DGLUCY: variants seen among roughly 807,000 people sequenced by gnomAD.
The protein encoded by DGLUCY is D-glutamate cyclase.
Under a neutral mutation model 58.5 loss-of-function variants are expected in DGLUCY, and 58 were observed. That is an observed-to-expected ratio of 0.99 (90% CI 0.80 to 1.23). The LOEUF (loss-of-function observed/expected upper bound fraction) is 1.23, where lower values mean the gene tolerates loss of function less well. Among genes scored for constraint, DGLUCY ranks in the 50% most tolerant of loss-of-function variants. The pLI is 0.00. For synonymous variants in DGLUCY, 325 were observed against 314.1 expected (o/e 1.03, Z -0.37); for missense variants, 779 against 784.7 (o/e 0.99, Z 0.09).
intron 1 of DGLUCY, among the ~76,000 whole-genome samples, chr14:91,124,221 C>T (rs1237094806): frequency 6.6e-6 from 1 of 152,172 alleles, no homozygotes; most frequent in Non-Finnish European, 1.5e-5. Flanking sequence ...CCACCACACC[C>T]TGCCAATAGT....
At chr14:91,087,451 T>C (rs2044241364) in intron 1 of DGLUCY, among the ~76,000 whole-genome samples, 1 of 152,216 alleles carries the variant, frequency 6.6e-6, no homozygotes, top group Admixed American at 6.5e-5. Context: ...TTCTTAAGTA[T>C]TTGCTAGCCG....
At chr14:91,217,949 A>G (rs1283879911) in intron 13 of DGLUCY, among the ~76,000 whole-genome samples, 1 of 152,088 alleles carries the variant, frequency 6.6e-6, no homozygotes, top group Non-Finnish European at 1.5e-5. Context: ...CCCATTTTAC[A>G]GACGAGAGAC....
At chr14:91,080,499 T>A (rs752383466) in intron 1 of DGLUCY, among the ~76,000 whole-genome samples, 1 of 152,114 alleles carries the variant, frequency 6.6e-6, no homozygotes, top group Non-Finnish European at 1.5e-5. Flanking sequence ...GCCTCTTGAG[T>A]AGCTGGGATT....
In DGLUCY at chr14:91,114,215, A is replaced by T. The variant is rs1476073725; in HGVS notation, c.-150A>T. On this transcript the variant is annotated 5_prime_UTR_variant, in exon 1 of 14. Transcript: ENST00000256324. Reference sequence around the variant, plus strand: ...TTATGCCCTTTTGAGGGAAGCACACATTCTGCAAGGCCGTGGAAACAAAGG... The same window carrying T: ...TTATGCCCTTTTGAGGGAAGCACACTTTCTGCAAGGCCGTGGAAACAAAGG... 2.0e-5 allele frequency: 3 copies of T among 152,360 alleles called. No homozygotes were observed. The highest frequency in any genetic ancestry group is 4.4e-5 in the Non-Finnish European group (3 of 68,146). The allele number at this position is 152,360 out of a possible 1,614,324, so 9.4% of individuals were successfully genotyped here.
At chr14:91,169,454 T>G (rs896305230) in intron 4 of DGLUCY, among the ~76,000 whole-genome samples, 31 of 151,904 alleles carry the variant, frequency 2.0e-4, no homozygotes, top group African/African-American at 7.3e-4. Context: ...TTGCCCAGGC[T>G]GGAGTAGTGC....
At chr14:91,139,215 G>A (rs763745748) in intron 1 of DGLUCY, among the ~76,000 whole-genome samples, 2 of 152,150 alleles carry the variant, frequency 1.3e-5, no homozygotes, top group Non-Finnish European at 2.9e-5. Flanking sequence ...ACAGGAAAAG[G>A]CCCAGCTCAG....
At chr14:91,103,411 C>T (rs1053325420), upstream of DGLUCY, among the ~76,000 whole-genome samples, 1 of 152,156 alleles carries the variant, frequency 6.6e-6, no homozygotes, top group Non-Finnish European at 1.5e-5. Context: ...CCTCCTCCTC[C>T]GTCTCCATCC....
intron 1 of DGLUCY, among the ~76,000 whole-genome samples, chr14:91,091,804 C>T (rs1311735055): frequency 6.6e-6 from 1 of 152,126 alleles, no homozygotes. Context: ...CGGGAATGAA[C>T]ATACCCAAGT....
At chr14:91,120,454 C>T (rs2045280075) in intron 1 of DGLUCY, among the ~76,000 whole-genome samples, 1 of 152,134 alleles carries the variant, frequency 6.6e-6, no homozygotes, top group Non-Finnish European at 1.5e-5. Context: ...ACCCAGGCTG[C>T]AGTGCAATCA....
At position 91,167,353 on chromosome 14, in the gene DGLUCY, C is replaced by A. The variant is rs776029386; in HGVS notation, c.232C>A (p.Pro78Thr). 74 of 1,614,014 alleles carry A rather than the reference C, an allele frequency of 4.6e-5. No individual in the cohort carries two copies. Among genetic ancestry groups the A allele is most frequent in the Non-Finnish European group, 6.1e-5 (72 of 1,180,046 alleles). The change falls in exon 4 of 14, where the codon CCT becomes ACT. Residue 78 changes from proline to threonine, a missense_variant. Pro to Thr is a conservative substitution (Grantham distance 38, BLOSUM62 -1). Transcript: ENST00000256324. ...QSEPEKWMLPPQGAISETRMG... is the reference protein window; with the variant it reads ...QSEPEKWMLPTQGAISETRMG... ...TGAGCCAGAAAAGTGGATGCTGCCC[C>A]CTCAAGGTGCTATCTCAGAGACCAG...
intron 1 of DGLUCY, among the ~76,000 whole-genome samples, chr14:91,076,315 A>G (rs74355620): frequency 7.9e-4 from 120 of 152,250 alleles, no homozygotes; most frequent in African/African-American, 2.8e-3. Context: ...ATGAAATATA[A>G]TATTTGCATG....
At chr14:91,205,803 C>CTTCTTCTT (rs1884538816) in intron 12 of DGLUCY, among the ~76,000 whole-genome samples, 1 of 80,490 alleles carries the variant, frequency 1.2e-5, no homozygotes, top group African/African-American at 7.7e-5. Context: ...TTCTCCGTCT[C>CTTCTTCTT]CTTCTCCTCC....
At chr14:91,128,307 TA>T in intron 1 of DGLUCY, among the ~76,000 whole-genome samples, 1 of 59,270 alleles carries the variant, frequency 1.7e-5, no homozygotes, top group Admixed American at 2.2e-4. Flanking sequence ...ACCCCATCTC[TA>T]CAAAAAAAAA....
intron 1 of DGLUCY, among the ~76,000 whole-genome samples, chr14:91,147,412 C>T (rs768244088): frequency 6.6e-6 from 1 of 152,092 alleles, no homozygotes; most frequent in African/African-American, 2.4e-5. Context: ...GTTTGTGAAG[C>T]CACAGGCAGT....
At chr14:91,087,007 A>G (rs186443499) in intron 1 of DGLUCY, among the ~76,000 whole-genome samples, 14 of 152,152 alleles carry the variant, frequency 9.2e-5, no homozygotes, top group African/African-American at 3.4e-4. Flanking sequence ...GACAGGACTG[A>G]CCGCAGGGTC....
intron 1 of DGLUCY, among the ~76,000 whole-genome samples, chr14:91,071,156 C>T (rs2043909084): frequency 6.6e-6 from 1 of 151,410 alleles, no homozygotes; most frequent in Non-Finnish European, 1.5e-5. Flanking sequence ...CACGGTGAAA[C>T]CCCGTCTCTA....
chr14:91,167,286 C>T lies in DGLUCY; in HGVS notation c.165C>T (p.Phe55=). The change falls in exon 4 of 14, where the codon TTC becomes TTT. Residue 55 remains phenylalanine, a synonymous_variant. Coordinates refer to ENST00000256324, the MANE Select transcript of DGLUCY (RefSeq NM_001102368.3). The part of the protein sequence containing the change: ...PRSLAPAFER[F]CQVNTGPLPL... Reference sequence around the variant, plus strand: ...CCCTTGCTCCAGCTTTTGAAAGATTCTGCCAGGTCAACACTGGTCCTCTAC... The same window carrying T: ...CCCTTGCTCCAGCTTTTGAAAGATTTTGCCAGGTCAACACTGGTCCTCTAC... The T allele has an allele frequency of 1.2e-6, 2 of 1,612,936 alleles. No homozygotes were observed. The highest frequency in any genetic ancestry group is 2.2e-5 in the South Asian group (2 of 90,860).
At chr14:91,103,966 C>A (rs1369954497), upstream of DGLUCY, among the ~76,000 whole-genome samples, 1 of 151,968 alleles carries the variant, frequency 6.6e-6, no homozygotes, top group Non-Finnish European at 1.5e-5. Context: ...CTGCCTACTC[C>A]AATTTGGCTT....
intron 1 of DGLUCY, among the ~76,000 whole-genome samples, chr14:91,100,055 C>CAAAAAAAA (rs781379842): frequency 5.4e-5 from 7 of 130,682 alleles, no homozygotes; most frequent in Non-Finnish European, 7.8e-5. Flanking sequence ...AACTCTGTCT[C>CAAAAAAAA]AAAAAAAAAA....
Sources: allele counts gnomAD v4.1 joint callset (sites outside exome capture counted in the v4.1 genomes callset), GRCh38; gene constraint gnomAD v4.1.1; transcripts MANE v1.5; gene names NCBI Gene and HGNC (gene_info 2026-07-23, HGNC 2026-07-21).